Variants in RPS6KC1 observed in about 807,000 individuals in gnomAD.
RPS6KC1 encodes the protein ribosomal protein S6 kinase C1, also known as inactive ribosomal protein S6 kinase delta-1.
RPS6KC1 carries 54 observed loss-of-function variants against 103.8 expected under a neutral mutation model. The ratio of observed to expected loss-of-function variants is 0.52; its 90% CI spans 0.42 to 0.65. The LOEUF is 0.65. Ranked by LOEUF, RPS6KC1 falls within the 30% of genes least tolerant of loss-of-function variation. The pLI, the probability that RPS6KC1 is intolerant of heterozygous loss-of-function variation, is 0.00. For synonymous variants in RPS6KC1, 439 were observed against 438.7 expected (o/e 1.00, Z -0.01); for missense variants, 1,151 against 1,253.8 (o/e 0.92, Z 1.24).
At chr1:213,113,390 GC>G (rs1364148200) in intron 4 of RPS6KC1, among the ~76,000 whole-genome samples, 2 of 152,128 alleles carry the variant, frequency 1.3e-5, no homozygotes, top group African/African-American at 4.8e-5. Flanking sequence ...CTTGTCCTTC[GC>G]CCACTTTTTG....
At chr1:213,242,994 TTTTC>T (rs770425566) in intron 12 of RPS6KC1, among the ~76,000 whole-genome samples, 22 of 152,106 alleles carry the variant, frequency 1.4e-4, no homozygotes, top group Non-Finnish European at 2.4e-4. Flanking sequence ...TGCATGATTT[TTTTC>T]TTTCTTTCTT....
At chr1:213,645,648 G>T in the RPS6KC1 span, among the ~76,000 whole-genome samples, 1 of 152,178 alleles carries the variant, frequency 6.6e-6, no homozygotes, top group African/African-American at 2.4e-5. Flanking sequence ...AGAGGGAGGT[G>T]CAGGGAGTCT....
At chr1:213,860,359 G>T in the RPS6KC1 span, among the ~76,000 whole-genome samples, 1 of 151,544 alleles carries the variant, frequency 6.6e-6, no homozygotes, top group Non-Finnish European at 1.5e-5. Flanking sequence ...TAACAATTTC[G>T]GATCTACTCT....
At chr1:213,258,648 T>C (rs909373611) in intron 12 of RPS6KC1, among the ~76,000 whole-genome samples, 1 of 152,238 alleles carries the variant, frequency 6.6e-6, no homozygotes, top group African/African-American at 2.4e-5. Flanking sequence ...GGAATTTGAA[T>C]GTTATCTAAT....
the RPS6KC1 span, among the ~76,000 whole-genome samples, chr1:213,439,848 GGA>G: frequency 6.7e-6 from 1 of 150,074 alleles, no homozygotes; most frequent in Non-Finnish European, 1.5e-5. Context: ...AGCAAGAGTG[GGA>G]GAGAGAGAGA....
the RPS6KC1 span, among the ~76,000 whole-genome samples, chr1:213,685,426 T>A: frequency 4.6e-5 from 7 of 151,872 alleles, 1 homozygote; most frequent in South Asian, 1.5e-3. Context: ...AGGTCAGGAG[T>A]TTAAGACCAG....
chr1:213,080,928 T>C (rs2079818088), intron 3 of RPS6KC1, among the ~76,000 whole-genome samples: 1 of 152,256 alleles, frequency 6.6e-6, no homozygotes, highest in Non-Finnish European at 1.5e-5. Flanking sequence ...ATACCACAAT[T>C]ACATTTTGTT....
At chr1:213,103,195 A>AC (rs2082164326) in intron 3 of RPS6KC1, among the ~76,000 whole-genome samples, 1 of 152,112 alleles carries the variant, frequency 6.6e-6, no homozygotes, top group Admixed American at 6.5e-5. Flanking sequence ...CAAAAAAAAA[A>AC]AAAAAGATTA....
chr1:213,632,647 G>C, the RPS6KC1 span, among the ~76,000 whole-genome samples: 1 of 152,230 alleles, frequency 6.6e-6, no homozygotes, highest in Admixed American at 6.5e-5. Flanking sequence ...CTCCTCCAAA[G>C]GATCGCAGCT....
the RPS6KC1 span, among the ~76,000 whole-genome samples, chr1:213,836,383 T>A: frequency 6.6e-6 from 1 of 152,108 alleles, no homozygotes; most frequent in Non-Finnish European, 1.5e-5. Flanking sequence ...AGAATATCTA[T>A]GTGAAAATGT....
chr1:213,059,950 C>T (rs1320518927), intron 1 of RPS6KC1, among the ~76,000 whole-genome samples: 3 of 152,048 alleles, frequency 2.0e-5, no homozygotes, highest in East Asian at 1.9e-4. Context: ...GGATTACAGG[C>T]GTGAGCCACT....
the RPS6KC1 span, among the ~76,000 whole-genome samples, chr1:213,345,309 C>T: frequency 3.3e-5 from 5 of 152,208 alleles, no homozygotes; most frequent in Non-Finnish European, 5.9e-5. Flanking sequence ...TTGTCTTTTA[C>T]TTTCTTGAAC....
chr1:213,615,811 T>C, the RPS6KC1 span, among the ~76,000 whole-genome samples: 1 of 152,206 alleles, frequency 6.6e-6, no homozygotes, highest in South Asian at 2.1e-4. Context: ...CCTGCTTCCC[T>C]TTGAGAAGGC....
chr1:213,185,875 T>G (rs1390789543), intron 8 of RPS6KC1, among the ~76,000 whole-genome samples: 1 of 151,862 alleles, frequency 6.6e-6, no homozygotes, highest in African/African-American at 2.4e-5. Flanking sequence ...GAGTGTCTTA[T>G]GGGTTTTGTG....
At chr1:213,779,077 G>A in the RPS6KC1 span, among the ~76,000 whole-genome samples, 847 of 152,228 alleles carry the variant, frequency 5.6e-3, 2 homozygotes, top group Non-Finnish European at 8.5e-3. Flanking sequence ...GGAATTCTGA[G>A]CATCTAAAAG....
the RPS6KC1 span, among the ~76,000 whole-genome samples, chr1:213,618,280 C>G: frequency 6.6e-6 from 1 of 152,188 alleles, no homozygotes. Context: ...AACAATGTGT[C>G]TGATCATACC....
chr1:213,340,804 G>A, the RPS6KC1 span, among the ~76,000 whole-genome samples: 1 of 151,924 alleles, frequency 6.6e-6, no homozygotes, highest in Non-Finnish European at 1.5e-5. Context: ...AACTTCCTGT[G>A]AATGGACAGA....
chr1:213,815,422 C>G, the RPS6KC1 span, among the ~76,000 whole-genome samples: 6 of 152,244 alleles, frequency 3.9e-5, no homozygotes, highest in East Asian at 1.2e-3. Context: ...GTTATGCACC[C>G]CAAGTTGTAA....
the RPS6KC1 span, among the ~76,000 whole-genome samples, chr1:213,530,657 A>G: frequency 6.6e-6 from 1 of 152,368 alleles, no homozygotes; most frequent in South Asian, 2.1e-4. Context: ...TTATAGCAGG[A>G]GGTGGACCTG....
Sources: gnomAD v4.1 joint callset for allele counts (sites outside exome capture counted in the v4.1 genomes callset) on GRCh38, gnomAD v4.1.1 for gene constraint, MANE v1.5 for transcripts, NCBI Gene and HGNC (gene_info 2026-07-23, HGNC 2026-07-21) for gene names.